CLMP: variants seen among roughly 807,000 people sequenced by gnomAD.
The protein encoded by CLMP is CXADR-like membrane protein.
In CLMP, 27 loss-of-function variants were observed where a neutral mutation model predicts 45.2. The ratio of observed to expected loss-of-function variants is 0.60; its 90% CI spans 0.44 to 0.82. CLMP has a LOEUF of 0.82. CLMP is among the 40% of genes least tolerant of loss of function. CLMP has a pLI of 0.00. For missense variants in CLMP, 403 were observed against 448.4 expected, an observed-to-expected ratio of 0.90 and a Z score of 0.91; for synonymous variants, 167 against 171.4, an observed-to-expected ratio of 0.97 and a Z score of 0.20.
intron 1 of CLMP, among the ~76,000 whole-genome samples, chr11:123,190,010 A>G (rs1861886688): frequency 6.6e-6 from 1 of 151,928 alleles, no homozygotes; most frequent in Non-Finnish European, 1.5e-5. Context: ...TCAAAAAAAA[A>G]AAAAAAAAAA....
chr11:123,086,790 G>C (rs1478476188), intron 2 of CLMP, among the ~76,000 whole-genome samples: 1 of 152,114 alleles, frequency 6.6e-6, no homozygotes, highest in Non-Finnish European at 1.5e-5. Context: ...CAAGGCTGGT[G>C]GTTTGCTTGA....
At chr11:123,180,821 CAA>C (rs1221281310) in intron 1 of CLMP, among the ~76,000 whole-genome samples, 1 of 152,118 alleles carries the variant, frequency 6.6e-6, no homozygotes, top group African/African-American at 2.4e-5. Flanking sequence ...AAAACAAGCG[CAA>C]AGACTCTGAG....
chr11:123,127,211 T>G (rs1473504618), intron 1 of CLMP, among the ~76,000 whole-genome samples: 1 of 152,084 alleles, frequency 6.6e-6, no homozygotes, highest in Non-Finnish European at 1.5e-5. Flanking sequence ...AACCTGCGCC[T>G]CCTGGATTCA....
intron 1 of CLMP, among the ~76,000 whole-genome samples, chr11:123,106,297 C>T (rs772916847): frequency 5.9e-5 from 9 of 151,888 alleles, no homozygotes; most frequent in Non-Finnish European, 1.2e-4. Flanking sequence ...ATTAATCTGC[C>T]TCTTGTCAGT....
In CLMP at chr11:123,195,019, G is replaced by C; in HGVS notation, c.-79C>G. The stretch of plus-strand genomic sequence containing the variant: ...CGGCCGGGCGCCTCCGACGGACCTC[G>C]GGCGAGCTGGGCGCGGCGCCTCGGG... On this transcript the variant is annotated 5_prime_UTR_variant, in exon 1 of 7. Coordinates refer to ENST00000448775, the MANE Select transcript of CLMP (RefSeq NM_024769.5). 7.0e-7 allele frequency: 1 copy of C among 1,429,144 alleles called. No homozygotes were observed. The highest frequency in any genetic ancestry group is 9.4e-7 in the Non-Finnish European group (1 of 1,063,692). The allele number at this position is 1,429,144 out of a possible 1,614,324, so 88.5% of individuals were successfully genotyped here.
intron 1 of CLMP, among the ~76,000 whole-genome samples, chr11:123,102,503 T>C (rs1275545997): frequency 6.6e-6 from 1 of 151,274 alleles, no homozygotes; most frequent in African/African-American, 2.4e-5. Flanking sequence ...ATGGTCTCAA[T>C]CTCCTGACCT....
chr11:123,163,193 C>T (rs1316858357), intron 1 of CLMP, among the ~76,000 whole-genome samples: 2 of 152,072 alleles, frequency 1.3e-5, no homozygotes, highest in African/African-American at 2.4e-5. Context: ...CCTGAGAGTT[C>T]CCATTGAAAA....
At chr11:123,144,051 C>T (rs1360569044) in intron 1 of CLMP, among the ~76,000 whole-genome samples, 7 of 152,042 alleles carry the variant, frequency 4.6e-5, no homozygotes, top group Admixed American at 1.3e-4. Context: ...TCAAGTGATC[C>T]GTCTGCCTCA....
intron 2 of CLMP, among the ~76,000 whole-genome samples, chr11:123,089,793 AG>A (rs796609293): frequency 0.031 from 3,124 of 101,684 alleles, 152 homozygotes; most frequent in African/African-American, 0.11. Flanking sequence ...AAAAAAAAAA[AG>A]AAAAAGAAAA....
At chr11:123,170,685 C>T (rs2135540534) in intron 1 of CLMP, among the ~76,000 whole-genome samples, 1 of 152,284 alleles carries the variant, frequency 6.6e-6, no homozygotes, top group South Asian at 2.1e-4. Flanking sequence ...AAGTGATCCA[C>T]CCCGCTCGGC....
chr11:123,101,276 TC>T (rs1411399593), intron 1 of CLMP, among the ~76,000 whole-genome samples: 2 of 152,124 alleles, frequency 1.3e-5, no homozygotes, highest in Non-Finnish European at 2.9e-5. Context: ...GGCTGATTTT[TC>T]TGTATTTTTA....
At chr11:123,083,265 G>A (rs976217301) in intron 4 of CLMP, 58 bp from the exon 5 acceptor site, 1 of 1,524,006 alleles carries the variant, frequency 6.6e-7, no homozygotes, top group African/African-American at 1.4e-5. Flanking sequence ...TATATTTATT[G>A]TTTACTTTAT....
intron 1 of CLMP, among the ~76,000 whole-genome samples, chr11:123,124,002 C>G (rs1860856134): frequency 6.6e-6 from 1 of 152,030 alleles, no homozygotes; most frequent in South Asian, 2.1e-4. Context: ...GGTTAGACTG[C>G]AAGGGAAAGA....
rs112930307 is a variant in CLMP at position 123,125,933 on chromosome 11, C to T, written c.29-27981G>A. 2.4e-3 allele frequency among the ~76,000 whole-genome samples: 358 copies of T among 152,112 alleles called. 4 individuals carry two copies. The highest frequency in any genetic ancestry group is 8.3e-3 in the African/African-American group (345 of 41,520). On this transcript the variant is annotated intron_variant, in intron 1 of 6. Transcript: ENST00000448775. ...CTCTCTTTGCTTTCTGCTCTCTCTT[C>T]GCACAGCAGGAGCACATAGGAAGCA...
chr11:123,143,801 A>G (rs1054956978), intron 1 of CLMP, among the ~76,000 whole-genome samples: 1 of 147,872 alleles, frequency 6.8e-6, no homozygotes, highest in Admixed American at 6.8e-5. Flanking sequence ...CCTTGACTAT[A>G]GTCTTGTGAG....
At position 123,153,981 on chromosome 11, in the gene CLMP, T is replaced by G. The variant is rs574793997; in HGVS notation, c.28+40932A>C. On this transcript the variant is annotated intron_variant, in intron 1 of 6. Transcript: ENST00000448775. ...GATTACAGGCGTGAGCCACCTCTCC[T>G]GGCCTCCCTTTTAATTCTTAGGCTT... Among the ~76,000 whole-genome samples the G allele has an allele frequency of 2.6e-5, 4 of 152,168 alleles. No homozygotes were observed. In the South Asian group the frequency reaches 8.3e-4, roughly 32 times the overall value.
chr11:123,188,669 G>T (rs1861864568), intron 1 of CLMP: 1 of 152,204 alleles, frequency 6.6e-6, no homozygotes, highest in South Asian at 2.1e-4. Flanking sequence ...GGAGCATTCA[G>T]TCTTCTCACC....
intron 1 of CLMP, among the ~76,000 whole-genome samples, chr11:123,187,157 G>T (rs548618933): frequency 2.2e-4 from 34 of 152,286 alleles, no homozygotes; most frequent in Non-Finnish European, 4.1e-4. Flanking sequence ...CCTAAGGTTG[G>T]GGAGGTGAAG....
At chr11:123,179,282 CTGT>C (rs1352370709) in intron 1 of CLMP, among the ~76,000 whole-genome samples, 1 of 152,196 alleles carries the variant, frequency 6.6e-6, no homozygotes, top group Admixed American at 6.5e-5. Context: ...ATTGAGCTTC[CTGT>C]TGTTTGCTCA....
Sources: gnomAD v4.1 joint callset for allele counts (sites outside exome capture counted in the v4.1 genomes callset) on GRCh38, gnomAD v4.1.1 for gene constraint, MANE v1.5 for transcripts, NCBI Gene and HGNC (gene_info 2026-07-23, HGNC 2026-07-21) for gene names.